DENND5A: variants seen among roughly 807,000 people sequenced by gnomAD.
The protein encoded by DENND5A is DENN domain containing 5A.
A neutral mutation model predicts 140.3 loss-of-function variants in DENND5A; 64 were observed. The ratio of observed to expected loss-of-function variants is 0.46; its 90% CI spans 0.37 to 0.56. The LOEUF (loss-of-function observed/expected upper bound fraction) is 0.56, where lower values mean the gene tolerates loss of function less well. Among genes scored for constraint, DENND5A ranks in the 20% least tolerant of loss-of-function variants. The pLI is 0.00. For missense variants in DENND5A, 1,292 were observed against 1,593.8 expected (o/e 0.81, Z 3.22); for synonymous variants, 605 against 607.7 (o/e 1.00, Z 0.07).
intron 1 of DENND5A, among the ~76,000 whole-genome samples, chr11:9,241,846 C>T (rs1414707738): frequency 2.0e-5 from 3 of 152,030 alleles, no homozygotes; most frequent in Non-Finnish European, 4.4e-5. Flanking sequence ...GAAACCCCAT[C>T]TCTACTAAAA....
rs187194012 is a variant in DENND5A, at chr11:9,169,884, T to C, written c.2123A>G (p.His708Arg). 2 of 1,613,342 alleles carry C rather than the reference T, an allele frequency of 1.2e-6. No homozygotes were observed. The highest frequency in any genetic ancestry group is 1.7e-6 in the Non-Finnish European group (2 of 1,179,278). ...RKDRQKQHTE[H>R]LRLDNDQREK... ...CCTCTGGTCATTATCTAAACGCAGGTGTTCTGTGTGCTGCTTCTGCCGATC... is the reference window on the plus strand; with the variant it reads ...CCTCTGGTCATTATCTAAACGCAGGCGTTCTGTGTGCTGCTTCTGCCGATC... The change falls in exon 10 of 23, where the codon CAC (histidine) becomes CGC (arginine). Residue 708 changes from histidine to arginine, a missense_variant. His to Arg is a conservative substitution (Grantham distance 29, BLOSUM62 0). Around this residue, in one of 4 missense-constraint regions of DENND5A, gnomAD observed 199 missense variants for 189.1 expected, o/e 1.05. Coordinates refer to ENST00000328194, the MANE Select transcript of DENND5A (RefSeq NM_015213.4).
intron 1 of DENND5A, among the ~76,000 whole-genome samples, chr11:9,244,119 T>A (rs992572537): frequency 6.6e-6 from 1 of 152,284 alleles, no homozygotes; most frequent in Non-Finnish European, 1.5e-5. Flanking sequence ...AACCCCCAAC[T>A]TGGTTCAAGA....
intron 4 of DENND5A, among the ~76,000 whole-genome samples, chr11:9,199,890 A>C (rs1176181168): frequency 6.6e-6 from 1 of 152,196 alleles, no homozygotes; most frequent in East Asian, 1.9e-4. Flanking sequence ...TAACAACAAA[A>C]AGCATAATTT....
rs57703622 is a variant in DENND5A, at chr11:9,174,102, C to CAAAAAAA, written c.1907-3332_1907-3326dup. The stretch of plus-strand genomic sequence containing the variant: ...TGGGCGATAGAGCAAGACTCCGTCT[C>CAAAAAAA]AAAAAAAAAAAAAAAAAAAAAAAAA... On this transcript the variant is annotated intron_variant, in intron 8 of 22. Transcript: ENST00000328194. Among the ~76,000 whole-genome samples the CAAAAAAA allele has an allele frequency of 1.6e-3, 67 of 42,148 alleles. 1 individual carries two copies. The highest frequency in any genetic ancestry group is 3.1e-3 in the East Asian group (2 of 642). The allele number at this position is 42,148 out of a possible 152,430, so 27.7% of individuals were successfully genotyped here.
chr11:9,213,254 C>T (rs867818955), intron 1 of DENND5A, among the ~76,000 whole-genome samples: 4 of 152,012 alleles, frequency 2.6e-5, no homozygotes, highest in South Asian at 2.1e-4. Flanking sequence ...AATCCACCCG[C>T]CTCAGCCTCC....
rs140469660 is a variant in DENND5A, at chr11:9,207,569, G to A, written c.173C>T (p.Thr58Met). 152 of 1,611,834 alleles carry A rather than the reference G, an allele frequency of 9.4e-5. No homozygotes were observed. The highest frequency in any genetic ancestry group is 1.8e-4 in the South Asian group (16 of 91,030). Reference sequence around the variant, plus strand: ...TTTTGTTTTGTTTTTACCTTCAGTCGTACTTGAAATGAAAGGGCTGGCACC... The same window carrying A: ...TTTTGTTTTGTTTTTACCTTCAGTCATACTTGAAATGAAAGGGCTGGCACC... Reference protein sequence around the residue: ...RDGASPFISSTTEGENFEQTP... With the variant: ...RDGASPFISSMTEGENFEQTP... Residue 58 changes from threonine to methionine, a missense_variant, in exon 2 of 23, where the codon ACG (threonine) becomes ATG (methionine). Thr to Met is a moderately conservative substitution (Grantham distance 81, BLOSUM62 -1). Transcript: ENST00000328194.
rs1414127345 is a variant in DENND5A at position 9,178,839 on chromosome 11, C to T, written c.1671+19G>A. 7 of 1,602,718 alleles carry T rather than the reference C, an allele frequency of 4.4e-6. No homozygotes were observed. The highest frequency in any genetic ancestry group is 1.1e-5 in the South Asian group (1 of 90,836). ...CAAGTTCTCATTCCTCACCACCTCCCAAGCAGGATTACACTCACTTTATCA... is the reference window on the plus strand; with the variant it reads ...CAAGTTCTCATTCCTCACCACCTCCTAAGCAGGATTACACTCACTTTATCA... On this transcript the variant is annotated intron_variant, in intron 7 of 22. Coordinates refer to ENST00000328194, the MANE Select transcript of DENND5A (RefSeq NM_015213.4).
chr11:9,224,675 A>G (rs1850457623), intron 1 of DENND5A, among the ~76,000 whole-genome samples: 1 of 151,952 alleles, frequency 6.6e-6, no homozygotes, highest in Non-Finnish European at 1.5e-5. Context: ...CCTGACTGAC[A>G]TGGTGAAAAC....
intron 5 of DENND5A, among the ~76,000 whole-genome samples, chr11:9,187,647 C>G (rs1017385177): frequency 1.3e-5 from 2 of 151,936 alleles, no homozygotes; most frequent in South Asian, 2.1e-4. Context: ...AAAAAGGGGT[C>G]CAAGATAGAA....
chr11:9,152,251 G>C, intron 13 of DENND5A, 107 bp downstream of exon 13: 1 of 867,648 alleles, frequency 1.2e-6, no homozygotes. Context: ...AAACATTCCA[G>C]AGCAAAAGCT....
chr11:9,244,232 A>C (rs546639173), intron 1 of DENND5A, among the ~76,000 whole-genome samples: 1 of 152,326 alleles, frequency 6.6e-6, no homozygotes, highest in South Asian at 2.1e-4. Context: ...GCTGTGGTTT[A>C]AATGTGTCCT....
chr11:9,148,377 C>T (rs977703739), intron 15 of DENND5A, among the ~76,000 whole-genome samples: 2 of 151,444 alleles, frequency 1.3e-5, no homozygotes, highest in Admixed American at 6.6e-5. Context: ...GAAGGAAGGT[C>T]CTAAAATTTT....
chr11:9,190,095 G>A (rs1849064706), intron 5 of DENND5A, among the ~76,000 whole-genome samples: 1 of 152,164 alleles, frequency 6.6e-6, no homozygotes, highest in Non-Finnish European at 1.5e-5. Context: ...CATTTGGAAT[G>A]GCAATATTTA....
intron 11 of DENND5A, among the ~76,000 whole-genome samples, chr11:9,161,763 T>C (rs367684838): frequency 6.6e-6 from 1 of 152,178 alleles, no homozygotes. Flanking sequence ...GAGGTAACTA[T>C]TATTATTGTT....
chr11:9,166,356 C>G (rs866165417), intron 10 of DENND5A, among the ~76,000 whole-genome samples: 4 of 152,182 alleles, frequency 2.6e-5, no homozygotes, highest in Admixed American at 2.0e-4. Context: ...AGATTACAGG[C>G]ATGAGCCACC....
intron 4 of DENND5A, among the ~76,000 whole-genome samples, chr11:9,196,633 C>T (rs1173189253): frequency 1.3e-5 from 2 of 151,896 alleles, no homozygotes; most frequent in Non-Finnish European, 2.9e-5. Context: ...TTATTGGAGA[C>T]AGGGTCTTGC....
chr11:9,248,443 G>A (rs1419713776), intron 1 of DENND5A, among the ~76,000 whole-genome samples: 2 of 151,846 alleles, frequency 1.3e-5, no homozygotes, highest in African/African-American at 2.4e-5. Context: ...TTGAGCCCAG[G>A]AGTTCAAGAC....
intron 6 of DENND5A, among the ~76,000 whole-genome samples, chr11:9,179,847 C>T (rs1848667137): frequency 6.6e-6 from 1 of 152,102 alleles, no homozygotes; most frequent in Admixed American, 6.6e-5. Flanking sequence ...TCTTTAACTG[C>T]CCATGATTTT....
chr11:9,237,827 G>A (rs1047964777), intron 1 of DENND5A, among the ~76,000 whole-genome samples: 1 of 152,044 alleles, frequency 6.6e-6, no homozygotes, highest in East Asian at 1.9e-4. Flanking sequence ...AGGTTGCAGT[G>A]AGCCGAGATT....
Sources: allele counts gnomAD v4.1 joint callset (sites outside exome capture counted in the v4.1 genomes callset), GRCh38; gene constraint gnomAD v4.1.1; regional missense constraint gnomAD v4.1.1; transcripts MANE v1.5; gene names NCBI Gene and HGNC (gene_info 2026-07-23, HGNC 2026-07-21).